PCDHGB1: variants seen among roughly 807,000 people sequenced by gnomAD.
PCDHGB1 encodes the protein protocadherin gamma-B1.
PCDHGB1 carries 34 observed loss-of-function variants against 56.6 expected under a neutral mutation model. That is an observed-to-expected ratio of 0.60 (90% confidence interval 0.46 to 0.80). The LOEUF is 0.80. Ranked by LOEUF, PCDHGB1 falls within the 30% of genes least tolerant of loss-of-function variation. The pLI is 0.00. For missense variants in PCDHGB1, 1,278 were observed against 1,204.6 expected (o/e 1.06, Z -0.90); for synonymous variants, 561 against 505.9 (o/e 1.11, Z -1.46).
intron 1 of PCDHGB1, chr5:141,413,586 C>G (rs2095657085): frequency 2.5e-6 from 4 of 1,613,724 alleles, no homozygotes; most frequent in Admixed American, 1.7e-5. Context: ...CTCCAAAATT[C>G]CAAGCAGAAA....
At chr5:141,404,399 G>T (rs1269569845) in intron 1 of PCDHGB1, 2 of 1,613,778 alleles carry the variant, frequency 1.2e-6, no homozygotes, top group African/African-American at 1.3e-5. Context: ...TGATAGCAAT[G>T]AGAATTCTAG....
rs569220332 is a variant in PCDHGB1, at chr5:141,475,688, A to G, written c.2410-19119A>G. 2.0e-5 allele frequency among the ~76,000 whole-genome samples: 3 copies of G among 152,330 alleles called. No homozygotes were observed. In the South Asian group the frequency reaches 6.2e-4, roughly 32 times the overall value. On this transcript the variant is annotated intron_variant, in intron 1 of 3. Coordinates refer to ENST00000523390, the MANE Select transcript of PCDHGB1 (RefSeq NM_018922.3). ...TTTAATGAGTCTTGATTTGGATTGG[A>G]GACTTGCAGAACGGCTAGCCTCACA...
In PCDHGB1 at chr5:141,432,677, C is replaced by T. The variant is rs1241190176; in HGVS notation, c.2410-62130C>T. On this transcript the variant is annotated intron_variant, in intron 1 of 3. Transcript: ENST00000523390. This position sits in a 1 kb window ranked among gnomAD's most constrained non-coding sequence, Gnocchi z 6.0. ...CCTGCTGGACAGAGACGCGCTCAAGCAGAGCCTCGTAGTGGCCGTCCAGGA... is the reference window on the plus strand; with the variant it reads ...CCTGCTGGACAGAGACGCGCTCAAGTAGAGCCTCGTAGTGGCCGTCCAGGA... The T allele has an allele frequency of 1.2e-6, 2 of 1,613,942 alleles. No individual in the cohort carries two copies. The highest frequency in any genetic ancestry group is 1.1e-5 in the South Asian group (1 of 91,076).
At chr5:141,372,401 A>G (rs1248362001) in intron 1 of PCDHGB1, 2 of 1,613,384 alleles carry the variant, frequency 1.2e-6, no homozygotes, top group Admixed American at 3.3e-5. Context: ...ATAGCTTGCA[A>G]GAGATACAAC....
chr5:141,374,336 G>A, intron 1 of PCDHGB1: 1 of 1,614,008 alleles, frequency 6.2e-7, no homozygotes, highest in Non-Finnish European at 8.5e-7. Context: ...CGGCAGCTTG[G>A]TCACCGCGGG....
At chr5:141,502,862 C>CTTTT (rs2154593209) in intron 2 of PCDHGB1, among the ~76,000 whole-genome samples, 1 of 68,550 alleles carries the variant, frequency 1.5e-5, no homozygotes, top group African/African-American at 9.9e-5. Flanking sequence ...CCCTGACTCT[C>CTTTT]TGTCTTTTTT....
chr5:141,393,049 C>T (rs2092663894), intron 1 of PCDHGB1: 4 of 1,613,486 alleles, frequency 2.5e-6, no homozygotes, highest in South Asian at 1.1e-5. Context: ...GCTCTGAACC[C>T]GCGCAGCGGC....
At chr5:141,423,318 G>T (rs1165459779) in intron 1 of PCDHGB1, 17 of 1,614,006 alleles carry the variant, frequency 1.1e-5, no homozygotes, top group South Asian at 8.8e-5. Context: ...TGGTGGTGGC[G>T]GTGGCCGCAG....
At chr5:141,415,696 G>C (rs867312295) in intron 1 of PCDHGB1, 12 of 1,397,434 alleles carry the variant, frequency 8.6e-6, no homozygotes, top group Non-Finnish European at 1.1e-5. Flanking sequence ...GGTGGAAAGT[G>C]TAAATGCTAA....
chr5:141,384,864 A>G (rs202180798), intron 1 of PCDHGB1: 3 of 1,613,702 alleles, frequency 1.9e-6, no homozygotes, highest in Non-Finnish European at 2.5e-6. Flanking sequence ...CTCCTCTGTC[A>G]GCCACCGTCA....
chr5:141,431,584 G>A lies in PCDHGB1; in HGVS notation c.2410-63223G>A, dbSNP rs201462681. 7 of 1,614,074 alleles carry A rather than the reference G, an allele frequency of 4.3e-6. No homozygotes were observed. The African/African-American group carries it at 9.3e-5, about 22-fold the overall frequency. On this transcript the variant is annotated intron_variant, in intron 1 of 3. Coordinates refer to ENST00000523390, the MANE Select transcript of PCDHGB1 (RefSeq NM_018922.3). The surrounding 1 kb of genome is among the most constrained non-coding windows in gnomAD (Gnocchi z 4.8). ...CCGACCCTGACGAAGGAGTCAATGC[G>A]GAAGTGAGGTATTCCTTCCGGTATG... is the stretch of plus-strand genomic sequence containing the variant.
intron 1 of PCDHGB1, among the ~76,000 whole-genome samples, chr5:141,429,826 C>T (rs1211415098): frequency 2.6e-5 from 4 of 152,054 alleles, no homozygotes; most frequent in Non-Finnish European, 4.4e-5. Context: ...GGTCAGTTAC[C>T]CAGGAAAAGG....
At chr5:141,418,917 C>T in intron 1 of PCDHGB1, 1 of 1,613,988 alleles carries the variant, frequency 6.2e-7, no homozygotes, top group Non-Finnish European at 8.5e-7. Context: ...ACGTCACTCT[C>T]TGATCAGATT....
chr5:141,352,392 T>G lies in PCDHGB1; in HGVS notation c.2132T>G (p.Leu711Arg). ...LAVILAIALR[L>R]RRSSSLDTEG... ...GTGATTCTAGCGATCGCCCTGCGCC[T>G]GCGACGTTCCTCCAGCCTCGACACT... The change falls in exon 1 of 4, where the codon CTG becomes CGG. Residue 711 changes from leucine (L) to arginine (R), a missense_variant. Coordinates refer to ENST00000523390, the MANE Select transcript of PCDHGB1 (RefSeq NM_018922.3). The G allele has an allele frequency of 6.2e-7, 1 of 1,614,056 alleles. No individual in the cohort carries two copies. The highest frequency in any genetic ancestry group is 1.1e-5 in the South Asian group (1 of 91,092).
In PCDHGB1 at chr5:141,366,241, G is replaced by T. The variant is rs762618712; in HGVS notation, c.2409+13572G>T. On this transcript the variant is annotated intron_variant, in intron 1 of 3. Transcript: ENST00000523390. ...CGCGAGCCCTGCTGGACAGAGACGC[G>T]CTCAAGCAGAGCCTCGTGGTGGCCG... The T allele has an allele frequency of 4.3e-6, 7 of 1,613,748 alleles. No individual in the cohort carries two copies. The South Asian group carries it at 5.5e-5, about 13-fold the overall frequency.
At chr5:141,372,063 G>C (rs571325193) in intron 1 of PCDHGB1, 20 of 1,613,430 alleles carry the variant, frequency 1.2e-5, no homozygotes, top group East Asian at 2.2e-5. Flanking sequence ...CGACCGCAAC[G>C]ACAATGCACC....
chr5:141,367,651 T>C (rs1205375044), intron 1 of PCDHGB1: 1 of 152,174 alleles, frequency 6.6e-6, no homozygotes, highest in Non-Finnish European at 1.5e-5. Context: ...TTAAGCCATG[T>C]AGTTATTGGA....
chr5:141,494,182 C>A (rs188628485), intron 1 of PCDHGB1, among the ~76,000 whole-genome samples: 1 of 152,126 alleles, frequency 6.6e-6, no homozygotes, highest in Non-Finnish European at 1.5e-5. Context: ...AGAAGTGTCC[C>A]GGGACTTGGA....
intron 1 of PCDHGB1, chr5:141,371,607 G>T (rs2149987986): frequency 6.2e-6 from 10 of 1,614,022 alleles, no homozygotes; most frequent in Admixed American, 1.7e-5. Context: ...ATACAGGTTG[G>T]TGACAGATGG....
Sources: allele counts gnomAD v4.1 joint callset (sites outside exome capture counted in the v4.1 genomes callset), GRCh38; gene constraint gnomAD v4.1.1; non-coding constraint Gnocchi (gnomAD v3.1); transcripts MANE v1.5; gene names NCBI Gene and HGNC (gene_info 2026-07-23, HGNC 2026-07-21).